CCSER1: variants seen among roughly 807,000 people sequenced by gnomAD.
CCSER1 encodes the protein coiled-coil serine rich protein 1.
CCSER1 carries 41 observed loss-of-function variants against 82.0 expected under a neutral mutation model. The ratio of observed to expected loss-of-function variants is 0.50; its 90% CI spans 0.39 to 0.65. The LOEUF (loss-of-function observed/expected upper bound fraction) is 0.65, where lower values mean the gene tolerates loss of function less well. Ranked by LOEUF, CCSER1 falls within the 30% of genes least tolerant of loss-of-function variation. The pLI is 0.00. For synonymous variants in CCSER1, 414 were observed against 383.9 expected, an observed-to-expected ratio of 1.08 and a Z score of -0.92; for missense variants, 1,119 against 1,064.2, an observed-to-expected ratio of 1.05 and a Z score of -0.72.
chr4:90,204,811 C>A (rs1738472943), intron 1 of CCSER1, among the ~76,000 whole-genome samples: 1 of 152,164 alleles, frequency 6.6e-6, no homozygotes, highest in South Asian at 2.1e-4. Flanking sequence ...GATATTGATT[C>A]TTCCTATCCA....
chr4:90,439,000 T>G (rs558075339), intron 4 of CCSER1, among the ~76,000 whole-genome samples: 1 of 152,262 alleles, frequency 6.6e-6, no homozygotes, highest in East Asian at 1.9e-4. Flanking sequence ...ATTCATTTTT[T>G]TAAAAAGCCT....
chr4:91,586,678 G>A (rs1764012313), intron 10 of CCSER1, among the ~76,000 whole-genome samples: 1 of 151,752 alleles, frequency 6.6e-6, no homozygotes, highest in South Asian at 2.1e-4. Flanking sequence ...GGGTGATGGT[G>A]AGAAACTGAA....
intron 10 of CCSER1, among the ~76,000 whole-genome samples, chr4:91,287,994 AT>A (rs1210242156): frequency 4.7e-5 from 5 of 107,224 alleles, no homozygotes; most frequent in Admixed American, 1.8e-4. Flanking sequence ...AAGAAAAAAA[AT>A]AAATGACATT....
intron 1 of CCSER1, among the ~76,000 whole-genome samples, chr4:90,194,855 T>C (rs1362569015): frequency 1.3e-5 from 2 of 152,044 alleles, no homozygotes; most frequent in East Asian, 1.9e-4. Flanking sequence ...GAGTATACTC[T>C]TACTGTAGTC....
At chr4:90,688,526 A>G (rs1735237576) in intron 6 of CCSER1, among the ~76,000 whole-genome samples, 1 of 152,090 alleles carries the variant, frequency 6.6e-6, no homozygotes, top group Non-Finnish European at 1.5e-5. Context: ...CAGTACTCTA[A>G]TTAATATATA....
intron 10 of CCSER1, among the ~76,000 whole-genome samples, chr4:91,116,272 A>G (rs1726587500): frequency 6.6e-6 from 1 of 152,192 alleles, no homozygotes; most frequent in African/African-American, 2.4e-5. Flanking sequence ...TGTCCTTTGT[A>G]GGGACATGGA....
intron 3 of CCSER1, among the ~76,000 whole-genome samples, chr4:90,355,330 A>G (rs920797219): frequency 6.6e-6 from 1 of 152,074 alleles, no homozygotes; most frequent in African/African-American, 2.4e-5. Context: ...AAAAAGAAAG[A>G]AAGAAACAGT....
At chr4:91,162,888 G>A (rs1274178441) in intron 10 of CCSER1, among the ~76,000 whole-genome samples, 1 of 152,038 alleles carries the variant, frequency 6.6e-6, no homozygotes, top group Non-Finnish European at 1.5e-5. Flanking sequence ...CCAGCTCCTG[G>A]ATTCATTGAT....
intron 9 of CCSER1, among the ~76,000 whole-genome samples, chr4:91,074,457 C>A (rs561116743): frequency 2.4e-4 from 36 of 152,282 alleles, no homozygotes; most frequent in South Asian, 8.3e-4. Flanking sequence ...TATAAAGATT[C>A]TTTCATTTAT....
intron 5 of CCSER1, among the ~76,000 whole-genome samples, chr4:90,574,707 T>C (rs1780540033): frequency 6.6e-6 from 1 of 151,882 alleles, no homozygotes; most frequent in African/African-American, 2.4e-5. Context: ...GTAAATATCT[T>C]CAAATTATAA....
intron 10 of CCSER1, among the ~76,000 whole-genome samples, chr4:91,508,253 CA>C (rs1379236331): frequency 7.1e-6 from 1 of 141,160 alleles, no homozygotes; most frequent in Admixed American, 7.4e-5. Flanking sequence ...TTGATCTTCA[CA>C]TATGAAATTT....
At chr4:90,273,335 A>G (rs977862945) in intron 1 of CCSER1, among the ~76,000 whole-genome samples, 2 of 152,148 alleles carry the variant, frequency 1.3e-5, no homozygotes, top group African/African-American at 2.4e-5. Flanking sequence ...ATAACAATTT[A>G]ATCGCATGTT....
intron 8 of CCSER1, among the ~76,000 whole-genome samples, chr4:90,876,509 C>T (rs1338234609): frequency 6.6e-6 from 1 of 152,048 alleles, no homozygotes; most frequent in Non-Finnish European, 1.5e-5. Context: ...CCGTATTTGT[C>T]ATAAAGACAT....
At chr4:90,417,230 T>A (rs907105578) in intron 4 of CCSER1, among the ~76,000 whole-genome samples, 12 of 152,226 alleles carry the variant, frequency 7.9e-5, no homozygotes, top group African/African-American at 2.4e-4. Context: ...ATAAAAAAAA[T>A]TTAAAAAAAC....
At chr4:91,039,130 C>T (rs886628218) in intron 9 of CCSER1, among the ~76,000 whole-genome samples, 1 of 152,132 alleles carries the variant, frequency 6.6e-6, no homozygotes, top group Admixed American at 6.6e-5. Context: ...TTGGCTCAAG[C>T]AATCCTCCCA....
In CCSER1 at chr4:91,149,264, G is replaced by A. The variant is rs369124717; in HGVS notation, c.2217+63270G>A. Among the ~76,000 whole-genome samples, 31 of 152,272 alleles carry A rather than the reference G, an allele frequency of 2.0e-4. No individual in the cohort carries two copies. The East Asian group carries it at 4.4e-3, about 22-fold the overall frequency. ...TGAGCATTTGTTCATGTGTCTGTTG[G>A]CTGCATAAATGTCTTCTTTGGAGAA... On this transcript the variant is annotated intron_variant, in intron 10 of 10. Coordinates refer to ENST00000509176, the MANE Select transcript of CCSER1 (RefSeq NM_001145065.2).
chr4:91,045,843 G>A (rs1260972257), intron 9 of CCSER1, among the ~76,000 whole-genome samples: 1 of 151,980 alleles, frequency 6.6e-6, no homozygotes, highest in Non-Finnish European at 1.5e-5. Flanking sequence ...GAGCAATAAA[G>A]CTTTTTAATC....
At chr4:90,388,976 C>T (rs1411340114) in intron 3 of CCSER1, among the ~76,000 whole-genome samples, 1 of 152,128 alleles carries the variant, frequency 6.6e-6, no homozygotes, top group Non-Finnish European at 1.5e-5. Context: ...AGATGTTTAT[C>T]TCATAGTATT....
chr4:90,778,568 A>AT (rs202214995), intron 7 of CCSER1, among the ~76,000 whole-genome samples: 6 of 151,356 alleles, frequency 4.0e-5, no homozygotes, highest in Non-Finnish European at 7.4e-5. Flanking sequence ...ACACTAACAT[A>AT]TTTTTTAAAA....
Sources: gnomAD v4.1 joint callset for allele counts (sites outside exome capture counted in the v4.1 genomes callset) on GRCh38, gnomAD v4.1.1 for gene constraint, MANE v1.5 for transcripts, NCBI Gene and HGNC (gene_info 2026-07-23, HGNC 2026-07-21) for gene names.